BTG4: variants seen among roughly 807,000 people sequenced by gnomAD.
BTG4 encodes the protein protein BTG4.
In BTG4, 10 loss-of-function variants were observed where a neutral mutation model predicts 19.3. The observed-to-expected ratio is 0.52, with a 90% CI of 0.32 to 0.88. The LOEUF is 0.88. BTG4 is among the 40% of genes least tolerant of loss of function. BTG4 has a pLI of 0.04. For synonymous variants in BTG4, 91 were observed against 95.7 expected, an observed-to-expected ratio of 0.95 and a Z score of 0.29; for missense variants, 238 against 281.9, an observed-to-expected ratio of 0.84 and a Z score of 1.11.
the BTG4 span, among the ~76,000 whole-genome samples, chr11:111,415,593 G>A: frequency 2.0e-5 from 3 of 152,140 alleles, no homozygotes; most frequent in East Asian, 1.9e-4. Flanking sequence ...ATGGCCCCAC[G>A]TGACCTAAGG....
the BTG4 span, among the ~76,000 whole-genome samples, chr11:111,448,888 C>A: frequency 0.45 from 55,502 of 123,766 alleles, 10,921 homozygotes; most frequent in South Asian, 0.65. Flanking sequence ...TAGTTATACC[C>A]AAAAAAAAAA....
Position 111,498,015 on chromosome 11 carries a change from G to C in BTG4, c.294C>G (p.Pro98=), listed in dbSNP as rs772816888. 1 of 1,613,932 alleles carries C rather than the reference G, an allele frequency of 6.2e-7. No homozygotes were observed. Among genetic ancestry groups the C allele is most frequent in the Non-Finnish European group, 8.5e-7 (1 of 1,179,886 alleles). ...TTACTCACCTACAGCATACTTCAAA[G>C]GGATCTACCCATATGGTCATCTCCT... ...LPKEMTIWVD[P]FEVCCRYGEK... The change falls in exon 3 of 5, where the codon CCC becomes CCG. Residue 98 remains proline, a synonymous_variant. Transcript: ENST00000692032.
At chr11:111,404,974 G>C in the BTG4 span, among the ~76,000 whole-genome samples, 1 of 152,180 alleles carries the variant, frequency 6.6e-6, no homozygotes, top group Non-Finnish European at 1.5e-5. Context: ...CCATAATCCT[G>C]CTTCTTATAC....
chr11:111,394,763 C>T, the BTG4 span, among the ~76,000 whole-genome samples: 1 of 152,184 alleles, frequency 6.6e-6, no homozygotes, highest in Non-Finnish European at 1.5e-5. Flanking sequence ...GAGAGACAGA[C>T]CTCGTCTTTA....
At chr11:111,485,977 T>C (rs1203246455) in intron 5 of BTG4, among the ~76,000 whole-genome samples, 2 of 152,068 alleles carry the variant, frequency 1.3e-5, no homozygotes, top group East Asian at 1.9e-4. Context: ...CATCAATAAA[T>C]TGGAAAACCT....
chr11:111,485,463 C>G (rs1026578020), intron 5 of BTG4, among the ~76,000 whole-genome samples: 5 of 152,122 alleles, frequency 3.3e-5, no homozygotes, highest in Admixed American at 2.6e-4. Flanking sequence ...ACTTTGGAAA[C>G]TGTACAAACA....
chr11:111,511,377 T>C (rs886484819), intron 1 of BTG4, among the ~76,000 whole-genome samples: 2 of 152,154 alleles, frequency 1.3e-5, no homozygotes, highest in Non-Finnish European at 2.9e-5. Context: ...ATAGTGTGAG[T>C]TTGTAGTTTG....
At chr11:111,479,200 A>G (rs1278546944) in intron 5 of BTG4, among the ~76,000 whole-genome samples, 1 of 152,174 alleles carries the variant, frequency 6.6e-6, no homozygotes, top group Non-Finnish European at 1.5e-5. Flanking sequence ...GCCAGGAAGA[A>G]GTGGCACAAT....
the BTG4 span, among the ~76,000 whole-genome samples, chr11:111,445,490 G>A: frequency 1.3e-4 from 20 of 152,164 alleles, no homozygotes; most frequent in East Asian, 1.9e-4. Flanking sequence ...TGTTATATAC[G>A]TGGCCCTATA....
chr11:111,436,564 T>C, the BTG4 span, among the ~76,000 whole-genome samples: 3 of 143,734 alleles, frequency 2.1e-5, no homozygotes, highest in African/African-American at 5.2e-5. Flanking sequence ...GAGACGGAGA[T>C]GGCAGTGAGC....
chr11:111,397,833 G>A, the BTG4 span: 23 of 152,286 alleles, frequency 1.5e-4, no homozygotes, highest in African/African-American at 5.3e-4. Flanking sequence ...TATTTACGGT[G>A]TTTTCAGGCC....
At chr11:111,430,792 T>C in the BTG4 span, among the ~76,000 whole-genome samples, 1 of 152,232 alleles carries the variant, frequency 6.6e-6, no homozygotes, top group South Asian at 2.1e-4. Flanking sequence ...AGCCACTAAA[T>C]GGCAGAATCA....
chr11:111,409,217 G>T, the BTG4 span, among the ~76,000 whole-genome samples: 3 of 152,154 alleles, frequency 2.0e-5, no homozygotes, highest in Non-Finnish European at 4.4e-5. Flanking sequence ...GATGATAGGA[G>T]CTGGAAAAGG....
chr11:111,404,832 C>T, the BTG4 span: 1 of 357,254 alleles, frequency 2.8e-6, no homozygotes, highest in Non-Finnish European at 5.5e-6. Context: ...CCCTTTATCT[C>T]TCATGGTCTA....
At chr11:111,421,373 G>C in the BTG4 span, among the ~76,000 whole-genome samples, 1 of 152,152 alleles carries the variant, frequency 6.6e-6, no homozygotes, top group African/African-American at 2.4e-5. Context: ...ATCATGATCT[G>C]AAAAACTCCA....
chr11:111,480,290 G>C (rs890944573), intron 5 of BTG4, among the ~76,000 whole-genome samples: 4 of 151,904 alleles, frequency 2.6e-5, no homozygotes, highest in Non-Finnish European at 5.9e-5. Context: ...AGAATACATA[G>C]CAGTCCTAAA....
At chr11:111,498,422 GT>G (rs1205922609) in intron 2 of BTG4, among the ~76,000 whole-genome samples, 181 bp downstream of exon 2, 1 of 152,166 alleles carries the variant, frequency 6.6e-6, no homozygotes, top group Non-Finnish European at 1.5e-5. Context: ...TTGCTCTGTT[GT>G]TTCCAGCCAC....
In BTG4 at chr11:111,495,140, GGT is replaced by G; in HGVS notation, c.683_684del (p.His228ProfsTer33). 1 of 1,541,834 alleles carries G rather than the reference GGT, an allele frequency of 6.5e-7. No individual in the cohort carries two copies. Among genetic ancestry groups the G allele is most frequent in the African/African-American group, 1.4e-5 (1 of 71,508 alleles). On this transcript the variant is annotated frameshift_variant, in exon 5 of 5. Coordinates refer to ENST00000692032, the MANE Select transcript of BTG4 (RefSeq NM_001367975.1). LOFTEE classifies it high-confidence loss of function. ...RLDRYHWVNT[H>X]R ...CCACGTGCCCAGTCGCTGCGTCATC[GGT>G]GTGTGTTGACCCAGTGGTACCTGTC...
chr11:111,403,648 T>C, the BTG4 span, among the ~76,000 whole-genome samples: 1 of 152,182 alleles, frequency 6.6e-6, no homozygotes, highest in Admixed American at 6.5e-5. Flanking sequence ...AATAAAGATA[T>C]TCCTGAGTGG....
Sources: gnomAD v4.1 joint callset for allele counts (sites outside exome capture counted in the v4.1 genomes callset) on GRCh38, gnomAD v4.1.1 for gene constraint, MANE v1.5 for transcripts, NCBI Gene and HGNC (gene_info 2026-07-23, HGNC 2026-07-21) for gene names.